Variants in XDH observed in about 807,000 individuals in gnomAD.
XDH encodes the protein xanthine dehydrogenase.
A neutral mutation model predicts 156.1 loss-of-function variants in XDH; 138 were observed. The observed-to-expected ratio is 0.88, with a 90% CI of 0.77 to 1.02. The LOEUF is 1.02. Ranked by LOEUF, XDH falls within the 50% of genes least tolerant of loss-of-function variation. The probability of loss-of-function intolerance (pLI) is 0.00; values close to 1 mark genes in which losing one functional copy is unlikely to be tolerated. For missense variants in XDH, 1,849 were observed against 1,684.9 expected (o/e 1.10, Z -1.71); for synonymous variants, 669 against 625.7 (o/e 1.07, Z -1.03).
chr2:31,344,620 A>G (rs527639251), intron 31 of XDH, 64 bp downstream of exon 31: 5 of 1,585,144 alleles, frequency 3.2e-6, no homozygotes, highest in Admixed American at 3.3e-5. Flanking sequence ...TCGGTGCTGG[A>G]GTGGACCAGT....
At chr2:31,374,360 G>T (rs1686168095) in intron 15 of XDH, among the ~76,000 whole-genome samples, 1 of 152,110 alleles carries the variant, frequency 6.6e-6, no homozygotes, top group African/African-American at 2.4e-5. Flanking sequence ...AAGCAAAGGG[G>T]GATTTAAAGC....
intron 5 of XDH, among the ~76,000 whole-genome samples, chr2:31,398,140 A>G (rs1686958274): frequency 6.6e-6 from 1 of 152,228 alleles, no homozygotes; most frequent in Non-Finnish European, 1.5e-5. Flanking sequence ...AATGGTGAAT[A>G]GATGGGGAGG....
chr2:31,381,448 A>G (rs1686434345), intron 12 of XDH, among the ~76,000 whole-genome samples, 185 bp downstream of exon 12: 2 of 152,184 alleles, frequency 1.3e-5, no homozygotes, highest in Admixed American at 1.3e-4. Flanking sequence ...TGAATTCTCT[A>G]CAGAGAAAAT....
intron 30 of XDH, among the ~76,000 whole-genome samples, 198 bp downstream of exon 30, chr2:31,346,571 A>G (rs1201444982): frequency 6.6e-6 from 1 of 152,190 alleles, no homozygotes; most frequent in African/African-American, 2.4e-5. Context: ...ACCTCCCTCA[A>G]TGATGAAAGC....
intron 6 of XDH, among the ~76,000 whole-genome samples, chr2:31,395,234 C>T (rs1340243654): frequency 6.6e-6 from 1 of 152,160 alleles, no homozygotes; most frequent in South Asian, 2.1e-4. Context: ...GCTTGTGCCG[C>T]TCACCTGTGA....
intron 33 of XDH, 118 bp from the exon 34 acceptor site, chr2:31,339,795 T>A: frequency 7.8e-7 from 1 of 1,275,046 alleles, no homozygotes; most frequent in Non-Finnish European, 1.1e-6. Flanking sequence ...TAGCTAAAAC[T>A]GCCCTCTATT....
At chr2:31,393,800 CT>C (rs34575198) in intron 6 of XDH, among the ~76,000 whole-genome samples, 43 of 140,438 alleles carry the variant, frequency 3.1e-4, no homozygotes, top group East Asian at 1.4e-3. Context: ...TTCCTTTTTT[CT>C]TTTTTTTTTT....
At position 31,386,403 on chromosome 2, in the gene XDH, C is replaced by T. The variant is rs763049496; in HGVS notation, c.793+11G>A. 3.7e-6 allele frequency: 6 copies of T among 1,611,834 alleles called. No homozygotes were observed. In the African/African-American group the frequency reaches 8.0e-5, roughly 22 times the overall value. Reference sequence around the variant, plus strand: ...CCCTGGCAGCCCCAGGGCAGCCTCCCTGGCCCTTACCAATCTCCGTGTTCC... The same window carrying T: ...CCCTGGCAGCCCCAGGGCAGCCTCCTTGGCCCTTACCAATCTCCGTGTTCC... On this transcript the variant is annotated intron_variant, in intron 9 of 35. Transcript: ENST00000379416.
Position 31,367,986 on chromosome 2 carries a change from A to G in XDH, c.2172T>C (p.Phe724=). Residue 724 remains phenylalanine, a synonymous_variant, in exon 20 of 36, where the codon TTT becomes TTC. Coordinates refer to ENST00000379416, the MANE Select transcript of XDH (RefSeq NM_000379.4). ...CTGACACAACATTATCTGCTTCGGAAAACCCCTTCTTTAGGTCCCCTTTCT... is the reference window on the plus strand; with the variant it reads ...CTGACACAACATTATCTGCTTCGGAGAACCCCTTCTTTAGGTCCCCTTTCT... ...KIEKGDLKKG[F]SEADNVVSGE... 1 of 1,614,162 alleles carries G rather than the reference A, an allele frequency of 6.2e-7. No homozygotes were observed. Among genetic ancestry groups the G allele is most frequent in the Non-Finnish European group, 8.5e-7 (1 of 1,180,006 alleles).
intron 26 of XDH, among the ~76,000 whole-genome samples, chr2:31,349,244 C>T (rs556825283): frequency 6.6e-6 from 1 of 152,154 alleles, no homozygotes; most frequent in Non-Finnish European, 1.5e-5. Context: ...ATAAAGCCTT[C>T]TCTGTGCTTT....
intron 6 of XDH, among the ~76,000 whole-genome samples, chr2:31,393,043 T>C (rs1015497210): frequency 2.0e-5 from 3 of 152,254 alleles, no homozygotes; most frequent in African/African-American, 7.2e-5. Context: ...GTGTGTTTCA[T>C]AGCACAGAAT....
Position 31,367,942 on chromosome 2 carries a change from C to T in XDH, c.2197+19G>A, listed in dbSNP as rs752864053. ...AACCAGGGCCACCCCATTCCCACTG[C>T]GGCATGGAACAGCTCTACCTGACAC... is the stretch of plus-strand genomic sequence containing the variant. On this transcript the variant is annotated intron_variant, in intron 20 of 35. Transcript: ENST00000379416. The T allele has an allele frequency of 3.7e-6, 6 of 1,611,184 alleles. No individual in the cohort carries two copies. The highest frequency in any genetic ancestry group is 1.1e-5 in the South Asian group (1 of 91,026).
chr2:31,349,922 G>C (rs1572517691), intron 25 of XDH, 91 bp from the exon 26 acceptor site: 3 of 1,611,632 alleles, frequency 1.9e-6, no homozygotes, highest in Middle Eastern at 2.2e-4. Context: ...AACCCCCTCA[G>C]CAGCCCCTGC....
intron 12 of XDH, among the ~76,000 whole-genome samples, chr2:31,380,756 C>T (rs1287841654): frequency 6.6e-6 from 1 of 152,206 alleles, no homozygotes; most frequent in Admixed American, 6.5e-5. Flanking sequence ...AATATGACGG[C>T]ATGCTGAATC....
At chr2:31,373,468 T>C (rs1026515786) in intron 16 of XDH, among the ~76,000 whole-genome samples, 19 of 152,212 alleles carry the variant, frequency 1.2e-4, no homozygotes, top group African/African-American at 4.6e-4. Flanking sequence ...AAATCTAAAA[T>C]GTTTTCAGGA....
intron 22 of XDH, 143 bp downstream of exon 22, chr2:31,365,833 G>C (rs1685900979): frequency 1.0e-5 from 14 of 1,404,068 alleles, no homozygotes; most frequent in Non-Finnish European, 1.3e-5. Context: ...CTATGCCCAA[G>C]GGTTCTAAAA....
At chr2:31,402,679 C>T (rs968217646) in intron 3 of XDH, among the ~76,000 whole-genome samples, 1 of 152,084 alleles carries the variant, frequency 6.6e-6, no homozygotes, top group South Asian at 2.1e-4. Flanking sequence ...GAATGGAGTG[C>T]TGGGCCCATG....
chr2:31,356,051 A>C (rs1189537892), intron 24 of XDH, among the ~76,000 whole-genome samples: 1 of 152,208 alleles, frequency 6.6e-6, no homozygotes, highest in Admixed American at 6.5e-5. Context: ...TAATGATAAA[A>C]GTGTCAATCC....
At chr2:31,373,128 T>G (rs1686123137) in intron 16 of XDH, among the ~76,000 whole-genome samples, 1 of 152,264 alleles carries the variant, frequency 6.6e-6, no homozygotes, top group Non-Finnish European at 1.5e-5. Context: ...GGTATGTGAT[T>G]ATCCACATTT....
Sources: gnomAD v4.1 joint callset for allele counts (sites outside exome capture counted in the v4.1 genomes callset) on GRCh38, gnomAD v4.1.1 for gene constraint, MANE v1.5 for transcripts, NCBI Gene and HGNC (gene_info 2026-07-23, HGNC 2026-07-21) for gene names.